ZBTB7C: variants seen among roughly 807,000 people sequenced by gnomAD.
The protein encoded by ZBTB7C is zinc finger and BTB domain-containing protein 7C.
A neutral mutation model predicts 25.7 loss-of-function variants in ZBTB7C; 8 were observed. The ratio of observed to expected loss-of-function variants is 0.31; its 90% CI spans 0.18 to 0.56. The LOEUF (loss-of-function observed/expected upper bound fraction) is 0.56. Ranked by LOEUF, ZBTB7C falls within the 20% of genes least tolerant of loss-of-function variation. ZBTB7C has a pLI of 0.91. For synonymous variants in ZBTB7C, 394 were observed against 369.0 expected, an observed-to-expected ratio of 1.07 and a Z score of -0.78; for missense variants, 824 against 855.2, an observed-to-expected ratio of 0.96 and a Z score of 0.46.
In ZBTB7C at chr18:48,343,950, C is replaced by G. The variant is rs2046665227; in HGVS notation, c.-303-5552G>C. 2.6e-5 allele frequency among the ~76,000 whole-genome samples: 4 copies of G among 152,138 alleles called. No individual in the cohort carries two copies. The South Asian group carries it at 8.3e-4, about 32-fold the overall frequency. ...CCTGGCTAGGAGTGGGGCTTCTACC[C>G]TGGAGCCATGGGGATGTGTGTTTTA... On this transcript the variant is annotated intron_variant, in intron 1 of 4. Transcript: ENST00000590800.
chr18:48,389,705 GC>G (rs1314516870), intron 1 of ZBTB7C, among the ~76,000 whole-genome samples: 1 of 152,072 alleles, frequency 6.6e-6, no homozygotes, highest in Non-Finnish European at 1.5e-5. Flanking sequence ...GTGCAGTGAG[GC>G]TCTCCCTGAT....
In ZBTB7C at chr18:48,300,231, A is replaced by G. The variant is rs556740648; in HGVS notation, c.-79+37943T>C. Among the ~76,000 whole-genome samples, 8 of 152,212 alleles carry G rather than the reference A, an allele frequency of 5.3e-5. No individual in the cohort carries two copies. The East Asian group carries it at 1.4e-3, about 26-fold the overall frequency. On this transcript the variant is annotated intron_variant, in intron 2 of 4. Coordinates refer to ENST00000590800, the MANE Select transcript of ZBTB7C (RefSeq NM_001318841.2). ...GGGGTGCAAGCATCAGTATATTTTAAAAGCTCCTTAAGTGATCTGAAGGTG... is the reference window on the plus strand; with the variant it reads ...GGGGTGCAAGCATCAGTATATTTTAGAAGCTCCTTAAGTGATCTGAAGGTG...
At chr18:48,205,827 C>T (rs943796259) in intron 2 of ZBTB7C, among the ~76,000 whole-genome samples, 9 of 152,096 alleles carry the variant, frequency 5.9e-5, no homozygotes, top group African/African-American at 2.2e-4. Flanking sequence ...GGATCCCTGG[C>T]CATTAGTCCC....
At chr18:48,184,094 T>C (rs553877629) in intron 3 of ZBTB7C, among the ~76,000 whole-genome samples, 1 of 152,262 alleles carries the variant, frequency 6.6e-6, no homozygotes, top group African/African-American at 2.4e-5. Context: ...TCCCAGGAGT[T>C]GGAAGCACAC....
intron 2 of ZBTB7C, among the ~76,000 whole-genome samples, chr18:48,233,402 T>C (rs2043303654): frequency 6.6e-6 from 1 of 152,154 alleles, no homozygotes; most frequent in Non-Finnish European, 1.5e-5. Flanking sequence ...AAGCACAAAA[T>C]GGACTAAGAT....
At chr18:48,309,016 C>T (rs2045748049) in intron 2 of ZBTB7C, among the ~76,000 whole-genome samples, 1 of 152,202 alleles carries the variant, frequency 6.6e-6, no homozygotes. Flanking sequence ...GATTCTAGAA[C>T]ATTCCAGGCC....
At chr18:48,387,323 T>C (rs116398768) in intron 1 of ZBTB7C, among the ~76,000 whole-genome samples, 1 of 152,210 alleles carries the variant, frequency 6.6e-6, no homozygotes, top group African/African-American at 2.4e-5. Flanking sequence ...ACTGGGTGGA[T>C]TAGAGAGGAG....
intron 3 of ZBTB7C, among the ~76,000 whole-genome samples, chr18:48,178,854 G>A (rs2041777402): frequency 6.6e-6 from 1 of 152,144 alleles, no homozygotes. Context: ...AAGCAGTGGA[G>A]CCCATCATGT....
chr18:48,249,965 A>G (rs557430317), intron 2 of ZBTB7C, among the ~76,000 whole-genome samples: 2 of 152,288 alleles, frequency 1.3e-5, no homozygotes, highest in South Asian at 4.1e-4. Flanking sequence ...GGCAGAGCTA[A>G]TGTGTTTTTG....
At chr18:48,049,350 G>C (rs1414859641) in intron 3 of ZBTB7C, among the ~76,000 whole-genome samples, 2 of 152,190 alleles carry the variant, frequency 1.3e-5, no homozygotes, top group Non-Finnish European at 2.9e-5. Flanking sequence ...TATGTGAGTG[G>C]AATGAGTCAG....
chr18:48,068,506 C>CA (rs893366413), intron 3 of ZBTB7C, among the ~76,000 whole-genome samples: 8 of 151,514 alleles, frequency 5.3e-5, no homozygotes, highest in South Asian at 2.1e-4. Flanking sequence ...AAAAAAACAA[C>CA]AAAAAAACAA....
intron 1 of ZBTB7C, among the ~76,000 whole-genome samples, chr18:48,348,383 T>C (rs941518085): frequency 7.9e-5 from 12 of 152,328 alleles, no homozygotes; most frequent in Middle Eastern, 3.4e-3. Flanking sequence ...AGAGCCTGGA[T>C]ACAAATCCTC....
Position 48,059,680 on chromosome 18 carries a change from C to T in ZBTB7C, c.-16-18557G>A, listed in dbSNP as rs775400996. On this transcript the variant is annotated intron_variant, in intron 3 of 4. Transcript: ENST00000590800. Reference sequence around the variant, plus strand: ...AAAGATATTTCTTTCAAAGCCAGAGCGACAGCCTCCCTTTCAGCTTTCCTG... The same window carrying T: ...AAAGATATTTCTTTCAAAGCCAGAGTGACAGCCTCCCTTTCAGCTTTCCTG... Among the ~76,000 whole-genome samples, 86 of 152,160 alleles carry T rather than the reference C, an allele frequency of 5.7e-4. 1 individual carries two copies. The highest frequency in any genetic ancestry group is 9.3e-4 in the Non-Finnish European group (63 of 68,032).
intron 3 of ZBTB7C, among the ~76,000 whole-genome samples, chr18:48,096,889 C>T (rs1459927971): frequency 1.3e-5 from 2 of 152,156 alleles, no homozygotes; most frequent in Non-Finnish European, 2.9e-5. Context: ...ATTGCAAGTC[C>T]CGAAAGGGAA....
intron 1 of ZBTB7C, among the ~76,000 whole-genome samples, chr18:48,376,119 G>A (rs541939124): frequency 7.2e-5 from 11 of 152,280 alleles, no homozygotes; most frequent in East Asian, 1.9e-4. Flanking sequence ...TGCTAGTCCC[G>A]GGACCACACT....
intron 2 of ZBTB7C, among the ~76,000 whole-genome samples, chr18:48,226,628 T>A (rs914293010): frequency 2.0e-5 from 3 of 152,226 alleles, no homozygotes; most frequent in Non-Finnish European, 4.4e-5. Context: ...AGGTGTCACA[T>A]GAGGTGTCAC....
intron 2 of ZBTB7C, among the ~76,000 whole-genome samples, chr18:48,205,715 A>T (rs2042561466): frequency 6.6e-6 from 1 of 152,034 alleles, no homozygotes; most frequent in Non-Finnish European, 1.5e-5. Context: ...AACATCAAGT[A>T]TTGGCGAGGA....
chr18:48,054,348 C>T (rs1237702346), intron 3 of ZBTB7C, among the ~76,000 whole-genome samples: 1 of 151,930 alleles, frequency 6.6e-6, no homozygotes, highest in Admixed American at 6.7e-5. Flanking sequence ...TTCACGGCCA[C>T]TCCCCTGCCC....
At chr18:48,033,106 C>T (rs2035833644) in intron 4 of ZBTB7C, among the ~76,000 whole-genome samples, 1 of 152,200 alleles carries the variant, frequency 6.6e-6, no homozygotes, top group Non-Finnish European at 1.5e-5. Context: ...AGTTATTTAA[C>T]CTCTCTGTGC....
Sources: allele counts gnomAD v4.1 joint callset (sites outside exome capture counted in the v4.1 genomes callset), GRCh38; gene constraint gnomAD v4.1.1; transcripts MANE v1.5; gene names NCBI Gene and HGNC (gene_info 2026-07-23, HGNC 2026-07-21).